Variants in LDLRAD4 observed in about 807,000 individuals in gnomAD.
LDLRAD4 encodes low-density lipoprotein receptor class A domain-containing protein 4.
In LDLRAD4, 5 loss-of-function variants were observed where a neutral mutation model predicts 17.0. The observed-to-expected ratio is 0.29, with a 90% CI of 0.15 to 0.62. The LOEUF (loss-of-function observed/expected upper bound fraction) is 0.62, where lower values mean the gene tolerates loss of function less well. Among genes scored for constraint, LDLRAD4 ranks in the 20% least tolerant of loss-of-function variants. The pLI is 0.84. For synonymous variants in LDLRAD4, 168 were observed against 171.8 expected (o/e 0.98, Z 0.17); for missense variants, 340 against 424.7 (o/e 0.80, Z 1.75).
At chr18:13,352,975 A>G (rs2083131899) in intron 1 of LDLRAD4, among the ~76,000 whole-genome samples, 1 of 152,004 alleles carries the variant, frequency 6.6e-6, no homozygotes, top group East Asian at 1.9e-4. Flanking sequence ...TCTCTTTGCT[A>G]TTATTCTCAT....
intron 1 of LDLRAD4, among the ~76,000 whole-genome samples, chr18:13,237,118 C>G (rs1420408696): frequency 6.6e-6 from 1 of 152,230 alleles, no homozygotes; most frequent in African/African-American, 2.4e-5. Flanking sequence ...GGCTTGGGCT[C>G]TGGAGGCCAG....
intron 2 of LDLRAD4, among the ~76,000 whole-genome samples, chr18:13,433,239 G>A (rs2090455253): frequency 6.6e-6 from 1 of 152,178 alleles, no homozygotes; most frequent in Non-Finnish European, 1.5e-5. Flanking sequence ...CATGGAAAAG[G>A]CACCCGTACA....
intron 1 of LDLRAD4, among the ~76,000 whole-genome samples, chr18:13,297,909 G>A (rs2046359728): frequency 6.6e-6 from 1 of 152,274 alleles, no homozygotes; most frequent in Admixed American, 6.5e-5. Context: ...GCATGTGGCT[G>A]GGGCCAGGAT....
chr18:13,446,318 A>G lies in LDLRAD4; in HGVS notation c.181+7934A>G, dbSNP rs543381851. 2.0e-5 allele frequency among the ~76,000 whole-genome samples: 3 copies of G among 152,276 alleles called. No individual in the cohort carries two copies. In the South Asian group the frequency reaches 6.2e-4, roughly 32 times the overall value. On this transcript the variant is annotated intron_variant, in intron 3 of 5. Transcript: ENST00000359446. ...TTTGGAGGTGCTATTTTCCCCTCCC[A>G]TGGTATTTTTCCAGTAAGATAGGGA...
intron 3 of LDLRAD4, among the ~76,000 whole-genome samples, chr18:13,453,880 G>A (rs1324613642): frequency 6.6e-6 from 1 of 152,232 alleles, no homozygotes; most frequent in African/African-American, 2.4e-5. Flanking sequence ...CTAGCACCTC[G>A]TGGCGCCTTG....
chr18:13,640,092 C>T (rs886778578), intron 4 of LDLRAD4, among the ~76,000 whole-genome samples: 3 of 151,960 alleles, frequency 2.0e-5, no homozygotes, highest in African/African-American at 7.3e-5. Context: ...CGAGAGGATC[C>T]TGGCTAATAT....
chr18:13,557,647 A>G (rs946199483), intron 3 of LDLRAD4, among the ~76,000 whole-genome samples: 3 of 152,200 alleles, frequency 2.0e-5, no homozygotes, highest in Admixed American at 6.5e-5. Context: ...TGATCTGCCT[A>G]CCTTGGCCTC....
At chr18:13,459,311 C>T (rs1242735186) in intron 3 of LDLRAD4, among the ~76,000 whole-genome samples, 1 of 151,768 alleles carries the variant, frequency 6.6e-6, no homozygotes, top group Admixed American at 6.6e-5. Context: ...GCACTCCAGC[C>T]TGGTAACAGA....
chr18:13,452,733 A>C (rs1236690830), intron 3 of LDLRAD4, among the ~76,000 whole-genome samples: 2 of 152,142 alleles, frequency 1.3e-5, no homozygotes, highest in Non-Finnish European at 2.9e-5. Context: ...CCACAATTCC[A>C]CCAGGTCGCG....
chr18:13,553,247 A>C (rs997435922), intron 3 of LDLRAD4, among the ~76,000 whole-genome samples: 7 of 152,204 alleles, frequency 4.6e-5, no homozygotes, highest in African/African-American at 1.4e-4. Context: ...TGTTTGGTAC[A>C]TGTTGAAAAT....
intron 2 of LDLRAD4, among the ~76,000 whole-genome samples, chr18:13,416,381 T>A (rs1202984855): frequency 1.3e-5 from 2 of 152,230 alleles, no homozygotes; most frequent in Non-Finnish European, 1.5e-5. Context: ...TTGTTTCCAG[T>A]TTCCTTTTCC....
In LDLRAD4 at chr18:13,583,516, ATAAGTG is replaced by A. The variant is rs561390622; in HGVS notation, c.182-37599_182-37594del. Among the ~76,000 whole-genome samples the A allele has an allele frequency of 1.7e-3, 262 of 152,366 alleles. 2 individuals are homozygous for A. Among genetic ancestry groups the A allele is most frequent in the African/African-American group, 6.1e-3 (254 of 41,588 alleles). The stretch of plus-strand genomic sequence containing the variant: ...GGGAACTTTAAATGAGTTGTAAAAA[ATAAGTG>A]TTATTAGAGTTCCAAAAAGAAAGAA... On this transcript the variant is annotated intron_variant, in intron 3 of 5. Coordinates refer to ENST00000359446, the Ensembl canonical transcript of LDLRAD4.
intron 3 of LDLRAD4, among the ~76,000 whole-genome samples, chr18:13,456,777 A>G (rs1014498682): frequency 3.3e-5 from 5 of 152,212 alleles, no homozygotes; most frequent in Non-Finnish European, 7.4e-5. Context: ...AATGTATGCT[A>G]TCAGTGCGGG....
intron 3 of LDLRAD4, among the ~76,000 whole-genome samples, chr18:13,525,015 T>G (rs913753653): frequency 6.6e-6 from 1 of 152,206 alleles, no homozygotes; most frequent in Non-Finnish European, 1.5e-5. Context: ...TCCCTGCAAT[T>G]GGTTTGGGAG....
chr18:13,453,698 C>T (rs1304155362), intron 3 of LDLRAD4, among the ~76,000 whole-genome samples: 3 of 152,204 alleles, frequency 2.0e-5, no homozygotes, highest in Admixed American at 1.3e-4. Flanking sequence ...TTTGAGCCCC[C>T]GCTGAGATGA....
chr18:13,404,509 A>G (rs906878524), intron 2 of LDLRAD4, among the ~76,000 whole-genome samples: 2 of 152,140 alleles, frequency 1.3e-5, no homozygotes, highest in African/African-American at 4.8e-5. Flanking sequence ...AATTTATATT[A>G]AGATGCGGCC....
At chr18:13,544,872 G>A (rs1003158320) in intron 3 of LDLRAD4, among the ~76,000 whole-genome samples, 3 of 139,254 alleles carry the variant, frequency 2.2e-5, no homozygotes, top group Non-Finnish European at 3.1e-5. Flanking sequence ...CGTCATGGCA[G>A]GTGATGGTTT....
intron 1 of LDLRAD4, among the ~76,000 whole-genome samples, chr18:13,245,726 C>G (rs1290655835): frequency 2.6e-5 from 4 of 152,266 alleles, no homozygotes; most frequent in African/African-American, 9.6e-5. Flanking sequence ...TTTCTCACAT[C>G]ACCCAGCTCA....
intron 2 of LDLRAD4, among the ~76,000 whole-genome samples, chr18:13,424,454 G>T (rs192170106): frequency 6.6e-6 from 1 of 152,138 alleles, no homozygotes; most frequent in Non-Finnish European, 1.5e-5. Flanking sequence ...TCCCTTTAGC[G>T]CATTTGAGTC....
Sources: gnomAD v4.1 joint callset for allele counts (sites outside exome capture counted in the v4.1 genomes callset) on GRCh38, gnomAD v4.1.1 for gene constraint, MANE v1.5 for transcripts, NCBI Gene and HGNC (gene_info 2026-07-23, HGNC 2026-07-21) for gene names.